The following ETFA variants were observed in gnomAD, a reference collection of about 807,000 sequenced individuals.
The protein encoded by ETFA is electron transfer flavoprotein subunit alpha, mitochondrial.
ETFA carries 22 observed loss-of-function variants against 46.2 expected under a neutral mutation model. The ratio of observed to expected loss-of-function variants is 0.48; its 90% confidence interval spans 0.34 to 0.68. ETFA has a LOEUF of 0.68. ETFA is among the 30% of genes least tolerant of loss of function. The pLI is 0.01. For missense variants in ETFA, 345 were observed against 401.1 expected (o/e 0.86, Z 1.19); for synonymous variants, 131 against 139.9 (o/e 0.94, Z 0.45).
chr15:76,276,365 TTCAG>T (rs1468290289), intron 8 of ETFA, among the ~76,000 whole-genome samples: 3 of 152,054 alleles, frequency 2.0e-5, no homozygotes, highest in African/African-American at 7.2e-5. Context: ...TTCCTCTGGC[TTCAG>T]TATTTGTTAT....
chr15:76,291,561 T>C (rs1365020579), intron 4 of ETFA, among the ~76,000 whole-genome samples: 1 of 150,390 alleles, frequency 6.6e-6, no homozygotes, highest in Non-Finnish European at 1.5e-5. Flanking sequence ...CCATCCTGGC[T>C]AACACAGTGA....
chr15:76,268,170 G>A (rs932063728), intron 9 of ETFA, among the ~76,000 whole-genome samples: 1 of 139,382 alleles, frequency 7.2e-6, no homozygotes, highest in Non-Finnish European at 1.5e-5. Context: ...TTCAGCAATG[G>A]CATGCCTCCC....
intron 11 of ETFA, 134 bp from the exon 12 acceptor site, chr15:76,216,731 C>T: frequency 1.5e-6 from 1 of 674,918 alleles, no homozygotes; most frequent in African/African-American, 1.8e-5. Flanking sequence ...CCCTCCTCTC[C>T]ACCAGGAACC....
chr15:76,240,017 A>T (rs1470072208), intron 9 of ETFA, among the ~76,000 whole-genome samples: 1 of 152,236 alleles, frequency 6.6e-6, no homozygotes, highest in East Asian at 1.9e-4. Context: ...AGACTGACTC[A>T]CAAAAGAGGC....
chr15:76,261,241 A>G, intron 9 of ETFA: 1 of 1,569,502 alleles, frequency 6.4e-7, no homozygotes, highest in African/African-American at 1.3e-5. Context: ...AGACAGTTGG[A>G]AAGGGGCATT....
At chr15:76,226,330 A>G (rs1442621558) in intron 10 of ETFA, 1 of 199,562 alleles carries the variant, frequency 5.0e-6, no homozygotes, top group Admixed American at 5.5e-5. Flanking sequence ...CATACCTGTA[A>G]TCCCAGCACT....
At chr15:76,306,490 T>G (rs1006338135) in intron 1 of ETFA, among the ~76,000 whole-genome samples, 3 of 151,732 alleles carry the variant, frequency 2.0e-5, no homozygotes, top group African/African-American at 7.3e-5. Context: ...AATCTCAAAC[T>G]CCTGACCTCG....
chr15:76,253,159 A>G (rs372455216), intron 9 of ETFA, among the ~76,000 whole-genome samples: 31 of 152,316 alleles, frequency 2.0e-4, no homozygotes, highest in African/African-American at 7.5e-4. Context: ...AGTCTTTGTT[A>G]CAATAGTAAG....
Position 76,268,180 on chromosome 15 carries a change from C to T in ETFA, c.816+6232G>A, listed in dbSNP as rs1336066577. Among the ~76,000 whole-genome samples the T allele has an allele frequency of 2.5e-5, 3 of 121,646 alleles. No individual in the cohort carries two copies. The Admixed American group carries it at 2.7e-4, about 11-fold the overall frequency. 79.8% of individuals were successfully genotyped at this position (121,646 alleles called of 152,430 possible). A position where few individuals can be genotyped will look rare whatever the true frequency, so the allele number is the denominator to read the frequency against. ...AATGCTTCAGCAATGGCATGCCTCC[C>T]AGCTACAGCAAAAAAAAAAAAAAAA... On this transcript the variant is annotated intron_variant, in intron 9 of 11. Coordinates refer to ENST00000557943, the MANE Select transcript of ETFA (RefSeq NM_000126.4).
intron 11 of ETFA, among the ~76,000 whole-genome samples, chr15:76,218,598 A>G (rs2034765873): frequency 1.3e-5 from 2 of 152,284 alleles, no homozygotes; most frequent in South Asian, 4.2e-4. Flanking sequence ...AGCATACCAC[A>G]TGATGCCTTA....
At chr15:76,232,623 T>A (rs538720753) in intron 9 of ETFA, among the ~76,000 whole-genome samples, 8 of 152,176 alleles carry the variant, frequency 5.3e-5, no homozygotes, top group Admixed American at 2.0e-4. Context: ...CAATCCAAAA[T>A]AAGAGAGCAT....
chr15:76,298,492 C>T, intron 1 of ETFA, among the ~76,000 whole-genome samples: 1 of 152,196 alleles, frequency 6.6e-6, no homozygotes, highest in South Asian at 2.1e-4. Flanking sequence ...ACCAAACTAA[C>T]ATTGATGGAG....
intron 9 of ETFA, among the ~76,000 whole-genome samples, chr15:76,249,190 G>A (rs376925533): frequency 1.0e-4 from 15 of 149,798 alleles, no homozygotes; most frequent in African/African-American, 1.5e-4. Flanking sequence ...GTGCAATGGC[G>A]TGATCTTGGC....
At chr15:76,281,077 T>C (rs976460035) in intron 8 of ETFA, among the ~76,000 whole-genome samples, 2 of 151,976 alleles carry the variant, frequency 1.3e-5, no homozygotes, top group Non-Finnish European at 2.9e-5. Flanking sequence ...ACCATACCCA[T>C]CTAATTTTTG....
chr15:76,279,887 T>C (rs1470644649), intron 8 of ETFA, among the ~76,000 whole-genome samples: 1 of 149,808 alleles, frequency 6.7e-6, no homozygotes, highest in African/African-American at 2.4e-5. Context: ...AGTCCTGAGT[T>C]TTTTTTTTTT....
chr15:76,280,430 AT>A (rs2039636245), intron 8 of ETFA, among the ~76,000 whole-genome samples: 1 of 152,090 alleles, frequency 6.6e-6, no homozygotes, highest in Admixed American at 6.5e-5. Context: ...TCAAATATAT[AT>A]CTCAAAACTG....
chr15:76,266,318 A>C (rs2039470024), intron 9 of ETFA, among the ~76,000 whole-genome samples: 1 of 152,238 alleles, frequency 6.6e-6, no homozygotes, highest in South Asian at 2.1e-4. Flanking sequence ...ACCAGTGCAC[A>C]GGTATCATTG....
intron 9 of ETFA, among the ~76,000 whole-genome samples, chr15:76,258,520 T>C (rs1344156176): frequency 1.3e-5 from 2 of 152,166 alleles, no homozygotes; most frequent in Non-Finnish European, 2.9e-5. Flanking sequence ...AGAACATCTC[T>C]TTGTGACTTG....
In ETFA at chr15:76,261,258, C is replaced by T; in HGVS notation, c.816+13154G>A. On this transcript the variant is annotated intron_variant, in intron 9 of 11. Transcript: ENST00000557943. ...ACAGTTGGAAAGGGGCATTGGGTGGCACTGCCAGATCTTTTGGCTCCACTG... is the reference window on the plus strand; with the variant it reads ...ACAGTTGGAAAGGGGCATTGGGTGGTACTGCCAGATCTTTTGGCTCCACTG... 4 of 1,571,524 alleles carry T rather than the reference C, an allele frequency of 2.5e-6. 1 individual carries two copies. The South Asian group carries it at 4.5e-5, about 18-fold the overall frequency.
Sources: allele counts gnomAD v4.1 joint callset (sites outside exome capture counted in the v4.1 genomes callset), GRCh38; gene constraint gnomAD v4.1.1; transcripts MANE v1.5; gene names NCBI Gene and HGNC (gene_info 2026-07-23, HGNC 2026-07-21).